Variants in WASL observed in about 807,000 individuals in gnomAD.
WASL encodes the protein WASP like actin nucleation promoting factor, also known as actin nucleation-promoting factor WASL.
WASL carries 20 observed loss-of-function variants against 55.5 expected under a neutral mutation model. That is an observed-to-expected ratio of 0.36 (90% CI 0.25 to 0.52). The LOEUF is 0.52. WASL is among the 20% of genes least tolerant of loss of function. The probability of loss-of-function intolerance (pLI) is 0.92; values close to 1 mark genes in which losing one functional copy is unlikely to be tolerated. For synonymous variants in WASL, 249 were observed against 217.6 expected, an observed-to-expected ratio of 1.14 and a Z score of -1.27; for missense variants, 504 against 622.5, an observed-to-expected ratio of 0.81 and a Z score of 2.03.
intron 1 of WASL, among the ~76,000 whole-genome samples, chr7:123,714,127 T>C (rs1452274337): frequency 1.3e-5 from 2 of 152,144 alleles, no homozygotes; most frequent in East Asian, 3.8e-4. Context: ...GAAACAATGT[T>C]CTAAATAATT....
At chr7:123,734,018 A>T (rs1804185145) in intron 1 of WASL, among the ~76,000 whole-genome samples, 1 of 152,166 alleles carries the variant, frequency 6.6e-6, no homozygotes, top group South Asian at 2.1e-4. Flanking sequence ...GCAAAACTGT[A>T]AGAGTTCTAG....
At chr7:123,710,821 T>C (rs1364892511) in intron 1 of WASL, among the ~76,000 whole-genome samples, 3 of 152,164 alleles carry the variant, frequency 2.0e-5, no homozygotes, top group Non-Finnish European at 2.9e-5. Context: ...CAAAACACAC[T>C]TGTGTTTGCA....
At chr7:123,686,978 T>C (rs1803302624) in intron 10 of WASL, among the ~76,000 whole-genome samples, 1 of 152,172 alleles carries the variant, frequency 6.6e-6, no homozygotes, top group Non-Finnish European at 1.5e-5. Flanking sequence ...CATAACGAAA[T>C]GCCTACTCCA....
intron 1 of WASL, among the ~76,000 whole-genome samples, chr7:123,734,942 T>C (rs183618795): frequency 1.3e-5 from 2 of 152,210 alleles, no homozygotes; most frequent in East Asian, 3.9e-4. Flanking sequence ...ACAATTTTCC[T>C]GTAAATGTAA....
At chr7:123,713,117 T>G (rs1421718852) in intron 1 of WASL, among the ~76,000 whole-genome samples, 4 of 152,136 alleles carry the variant, frequency 2.6e-5, no homozygotes, top group Admixed American at 1.3e-4. Context: ...ATCTAACAAA[T>G]ATACAATGTT....
Position 123,748,603 on chromosome 7 carries a change from G to T in WASL, c.117+15C>A, listed in dbSNP as rs1339088897. On this transcript the variant is annotated intron_variant, in intron 1 of 10. Coordinates refer to ENST00000223023, the MANE Select transcript of WASL (RefSeq NM_003941.4). ...GGTAATGTCACGGGTGGCGACGCGGGTCTCGTCCACTGACCACACATTTCT... is the reference window on the plus strand; with the variant it reads ...GGTAATGTCACGGGTGGCGACGCGGTTCTCGTCCACTGACCACACATTTCT... 1 of 1,612,184 alleles carries T rather than the reference G, an allele frequency of 6.2e-7. No individual in the cohort carries two copies. The highest frequency in any genetic ancestry group is 1.7e-5 in the Admixed American group (1 of 59,966).
In WASL at chr7:123,682,233, G is replaced by A. The variant is rs929825484; in HGVS notation, c.*2286C>T. 8 of 152,104 alleles carry A rather than the reference G, an allele frequency of 5.3e-5. No homozygotes were observed. Among genetic ancestry groups the A allele is most frequent in the Non-Finnish European group, 1.0e-4 (7 of 68,000 alleles). 9.4% of individuals were successfully genotyped at this position (152,104 alleles called of 1,614,324 possible). On this transcript the variant is annotated 3_prime_UTR_variant, in exon 11 of 11. Coordinates refer to ENST00000223023, the MANE Select transcript of WASL (RefSeq NM_003941.4). ...AATATACGGAAGGCTTTCAGACAAC[G>A]CACAGGTATAGTGCTGCTCACAGTG...
At chr7:123,746,403 C>T (rs1300573610) in intron 1 of WASL, among the ~76,000 whole-genome samples, 1 of 152,196 alleles carries the variant, frequency 6.6e-6, no homozygotes, top group Non-Finnish European at 1.5e-5. Flanking sequence ...CACATTTGGT[C>T]TGACCTGTAA....
At chr7:123,706,436 A>G in intron 3 of WASL, 63 bp from the exon 4 acceptor site, 1 of 1,434,406 alleles carries the variant, frequency 7.0e-7, no homozygotes, top group Non-Finnish European at 9.7e-7. Context: ...TATATCATAA[A>G]AACAATGAGG....
chr7:123,704,465 T>A (rs1047670710), intron 5 of WASL, among the ~76,000 whole-genome samples, 169 bp downstream of exon 5: 3 of 152,156 alleles, frequency 2.0e-5, no homozygotes, highest in Admixed American at 2.0e-4. Context: ...CAATAAACTG[T>A]ATAATTTGAT....
rs1384100053 is a variant in WASL at position 123,696,459 on chromosome 7, C to G, written c.629+120G>C. 5.5e-6 allele frequency: 5 copies of G among 906,972 alleles called. No individual in the cohort carries two copies. In the East Asian group the frequency reaches 1.6e-4, roughly 29 times the overall value. The allele number at this position is 906,972 out of a possible 1,614,324, so 56.2% of individuals were successfully genotyped here. ...TAAAGTACATAGTTAAAACGGTATC[C>G]AAGTGATGAATGTACACACCCTCCC... On this transcript the variant is annotated intron_variant, in intron 6 of 10. Transcript: ENST00000223023.
At chr7:123,728,465 T>A (rs1804087394) in intron 1 of WASL, among the ~76,000 whole-genome samples, 1 of 152,180 alleles carries the variant, frequency 6.6e-6, no homozygotes, top group South Asian at 2.1e-4. Context: ...CCAACAACTG[T>A]CCATCTCTAG....
At position 123,682,640 on chromosome 7, in the gene WASL, T is replaced by G. The variant is rs1803214479; in HGVS notation, c.*1879A>C. ...ATTTCTAGGAAATTTAAAATGTTTT[T>G]TATATTGTCAAAAAGAAAAAATTTT... On this transcript the variant is annotated 3_prime_UTR_variant, in exon 11 of 11. Coordinates refer to ENST00000223023, the MANE Select transcript of WASL (RefSeq NM_003941.4). 1 of 152,068 alleles carries G rather than the reference T, an allele frequency of 6.6e-6. No homozygotes were observed. Among genetic ancestry groups the G allele is most frequent in the Admixed American group, 6.6e-5 (1 of 15,248 alleles). The allele number at this position is 152,068 out of a possible 1,614,324, so 9.4% of individuals were successfully genotyped here.
chr7:123,686,326 T>C (rs978544461), intron 10 of WASL, among the ~76,000 whole-genome samples: 2 of 152,088 alleles, frequency 1.3e-5, no homozygotes, highest in African/African-American at 4.8e-5. Flanking sequence ...AATAATTTGC[T>C]ACCAGATTTT....
At chr7:123,730,772 T>C (rs546516771) in intron 1 of WASL, among the ~76,000 whole-genome samples, 9 of 152,332 alleles carry the variant, frequency 5.9e-5, no homozygotes, top group Middle Eastern at 3.4e-3. Context: ...CGACTCTATA[T>C]AGTCTACAAG....
intron 1 of WASL, among the ~76,000 whole-genome samples, chr7:123,716,041 A>C (rs1350862278): frequency 6.6e-6 from 1 of 152,068 alleles, no homozygotes; most frequent in Non-Finnish European, 1.5e-5. Context: ...CCTGTAACTT[A>C]AGTGGATCTA....
chr7:123,692,261 A>G, intron 9 of WASL, 86 bp downstream of exon 9: 2 of 1,485,158 alleles, frequency 1.3e-6, no homozygotes, highest in Non-Finnish European at 1.8e-6. Flanking sequence ...AAAAGAATAC[A>G]CTTTTCAAAA....
chr7:123,739,705 C>T (rs989352089), intron 1 of WASL, among the ~76,000 whole-genome samples: 11 of 152,080 alleles, frequency 7.2e-5, no homozygotes, highest in African/African-American at 1.9e-4. Context: ...TTTCAACTTA[C>T]GACAGGTTTA....
chr7:123,720,208 T>C, intron 1 of WASL: 1 of 397,608 alleles, frequency 2.5e-6, no homozygotes, highest in South Asian at 1.9e-5. Context: ...ATCAAAACCA[T>C]TATTTAAATC....
Sources: allele counts gnomAD v4.1 joint callset (sites outside exome capture counted in the v4.1 genomes callset), GRCh38; gene constraint gnomAD v4.1.1; transcripts MANE v1.5; gene names NCBI Gene and HGNC (gene_info 2026-07-23, HGNC 2026-07-21).